Variants in HCN2 observed in about 807,000 individuals in gnomAD.
HCN2 encodes the protein potassium/sodium hyperpolarization-activated cyclic nucleotide-gated channel 2.
A neutral mutation model predicts 52.3 loss-of-function variants in HCN2; 20 were observed. That is an observed-to-expected ratio of 0.38 (90% CI 0.27 to 0.56). The LOEUF is 0.56. Ranked by LOEUF, HCN2 falls within the 20% of genes least tolerant of loss-of-function variation. HCN2 has a pLI of 0.71. For synonymous variants in HCN2, 694 were observed against 537.0 expected, an observed-to-expected ratio of 1.29 and a Z score of -4.04; for missense variants, 981 against 1,207.7, an observed-to-expected ratio of 0.81 and a Z score of 2.78.
intron 5 of HCN2, among the ~76,000 whole-genome samples, chr19:611,705 T>C (rs911593370): frequency 3.3e-5 from 5 of 152,282 alleles, no homozygotes; most frequent in Non-Finnish European, 7.4e-5. Context: ...CTGCACCCGA[T>C]ACCACAGCCT....
rs1982850316 is a variant in HCN2 at position 590,859 on chromosome 19, C to T, written c.632+282C>T. 4.3e-6 allele frequency: 1 copy of T among 231,366 alleles called. No individual in the cohort carries two copies. Among genetic ancestry groups the T allele is most frequent in the Admixed American group, 5.7e-5 (1 of 17,408 alleles). 14.3% of individuals were successfully genotyped at this position (231,366 alleles called of 1,614,324 possible). A position where few individuals can be genotyped will look rare whatever the true frequency, so the allele number is the denominator to read the frequency against. On this transcript the variant is annotated intron_variant, in intron 1 of 7. Coordinates refer to ENST00000251287, the MANE Select transcript of HCN2 (RefSeq NM_001194.4). This position sits in a 1 kb window ranked among gnomAD's most constrained non-coding sequence, Gnocchi z 7.2. ...CGGCGGGTGGGGTGGGCCGCAGGGCCAGGGTCTGAGCGCAGAGGGGCAGAG... is the reference window on the plus strand; with the variant it reads ...CGGCGGGTGGGGTGGGCCGCAGGGCTAGGGTCTGAGCGCAGAGGGGCAGAG...
In HCN2 at chr19:591,983, G is replaced by A. The variant is rs1357905779; in HGVS notation, c.632+1406G>A. 1.3e-5 allele frequency among the ~76,000 whole-genome samples: 2 copies of A among 152,298 alleles called. No individual in the cohort carries two copies. Among genetic ancestry groups the A allele is most frequent in the East Asian group, 1.9e-4 (1 of 5,178 alleles). ...AAGCCTGGATTTCGAGACAGGCCAG[G>A]GGTGGGAGGAGCCCCGAAATCCCCA... On this transcript the variant is annotated intron_variant, in intron 1 of 7. Transcript: ENST00000251287. This position sits in a 1 kb window ranked among gnomAD's most constrained non-coding sequence, Gnocchi z 4.1.
intron 7 of HCN2, among the ~76,000 whole-genome samples, chr19:615,138 A>G (rs1983838767): frequency 6.6e-6 from 1 of 152,116 alleles, no homozygotes; most frequent in Admixed American, 6.5e-5. Context: ...CAGTCATTAC[A>G]TAATCAGCGT....
intron 3 of HCN2, among the ~76,000 whole-genome samples, chr19:606,141 C>T (rs762501942): frequency 2.0e-5 from 3 of 152,072 alleles, no homozygotes; most frequent in Admixed American, 6.5e-5. Flanking sequence ...ACTCTGTCGC[C>T]CAGGCTGGAG....
intron 1 of HCN2, among the ~76,000 whole-genome samples, chr19:593,608 G>C (rs1186756678): frequency 6.6e-6 from 1 of 152,062 alleles, no homozygotes; most frequent in Non-Finnish European, 1.5e-5. Context: ...TGACAGAGTG[G>C]GACTTGGTCT....
At chr19:614,940 G>A (rs1166619022) in intron 7 of HCN2, among the ~76,000 whole-genome samples, 1 of 152,150 alleles carries the variant, frequency 6.6e-6, no homozygotes, top group Non-Finnish European at 1.5e-5. Context: ...CAGGACAGGT[G>A]CGACGGAGTG....
At chr19:604,426 C>T (rs529485439) in intron 2 of HCN2, among the ~76,000 whole-genome samples, 37 of 133,594 alleles carry the variant, frequency 2.8e-4, no homozygotes, top group African/African-American at 1.0e-3. Flanking sequence ...TGAGCAGGGT[C>T]GAGGCAGCAG....
intron 1 of HCN2, among the ~76,000 whole-genome samples, chr19:602,181 G>A (rs1326027417): frequency 1.0e-5 from 1 of 97,774 alleles, no homozygotes. Context: ...CTGCGTGGAC[G>A]CCCCACTCCC....
chr19:615,241 G>A (rs1983843725), intron 7 of HCN2, among the ~76,000 whole-genome samples: 1 of 152,018 alleles, frequency 6.6e-6, no homozygotes, highest in Non-Finnish European at 1.5e-5. Flanking sequence ...CAGGCGCGGT[G>A]GCTCACGCCT....
At position 607,975 on chromosome 19, in the gene HCN2, G is replaced by T. The variant is rs1325058219; in HGVS notation, c.1230G>T (p.Trp410Cys). 6.2e-7 allele frequency: 1 copy of T among 1,611,372 alleles called. No individual in the cohort carries two copies. Among genetic ancestry groups the T allele is most frequent in the Admixed American group, 1.7e-5 (1 of 59,982 alleles). Reference sequence around the variant, plus strand: ...TGCTGGCCTTGCAGAACCACTCGTGGAGTGAACTGTACTCCTTCGCACTCT... The same window carrying T: ...TGCTGGCCTTGCAGAACCACTCGTGTAGTGAACTGTACTCCTTCGCACTCT... ...VSINGMVNHS[W>C]SELYSFALFK... is the part of the protein sequence containing the mutation. Residue 410 changes from tryptophan to cysteine, a missense_variant, in exon 4 of 8, where the codon TGG becomes TGT. Trp to Cys is a radical substitution (Grantham distance 215, BLOSUM62 -2). Around this residue, in one of 6 missense-constraint regions of HCN2, gnomAD observed 282 missense variants for 553.8 expected, o/e 0.51. Coordinates refer to ENST00000251287, the MANE Select transcript of HCN2 (RefSeq NM_001194.4).
chr19:602,534 G>A (rs371751599), intron 1 of HCN2, among the ~76,000 whole-genome samples: 1 of 152,140 alleles, frequency 6.6e-6, no homozygotes, highest in African/African-American at 2.4e-5. Context: ...GGCATCTGGG[G>A]CCCTCACCTC....
In HCN2 at chr19:616,331, A is replaced by G; in HGVS notation, c.2527A>G (p.Ser843Gly). ...GPAASTRPAS[S>G]STPRLGPTPA... ...CGCGGCCTCCACACGCCCGGCCAGCAGCTCCACACCGCGCTTGGGGCCCAC... is the reference window on the plus strand; with the variant it reads ...CGCGGCCTCCACACGCCCGGCCAGCGGCTCCACACCGCGCTTGGGGCCCAC... Residue 843 changes from serine to glycine, a missense_variant, in exon 8 of 8, where the codon AGC becomes GGC. This residue lies in a region of HCN2 where 368 missense variants were observed against 314.8 expected (regional missense o/e 1.17). Transcript: ENST00000251287. 1.7e-6 allele frequency: 2 copies of G among 1,179,358 alleles called. No individual in the cohort carries two copies. Among genetic ancestry groups the G allele is most frequent in the South Asian group, 2.2e-5 (1 of 45,110 alleles). The allele number at this position is 1,179,358 out of a possible 1,614,324, so 73.1% of individuals were successfully genotyped here. A position where few individuals can be genotyped will look rare whatever the true frequency, so the allele number is the denominator to read the frequency against.
In HCN2 at chr19:613,596, T is replaced by TCC. The variant is rs1568368635; in HGVS notation, c.1825+108_1825+109insCC. The TCC allele has an allele frequency of 4.8e-4, 43 of 89,032 alleles. 1 individual carries two copies. Among genetic ancestry groups the TCC allele is most frequent in the African/African-American group, 2.7e-3 (19 of 7,102 alleles). 5.5% of individuals were successfully genotyped at this position (89,032 alleles called of 1,614,324 possible). ...CCGGGGCCGGGGATGGGGATGGGGA[T>TCC]GGGGATGGGGCCGGGGATGGGGATG... On this transcript the variant is annotated intron_variant, in intron 6 of 7. Coordinates refer to ENST00000251287, the MANE Select transcript of HCN2 (RefSeq NM_001194.4).
At chr19:610,573 C>G (rs1337961669) in intron 5 of HCN2, among the ~76,000 whole-genome samples, 168 bp downstream of exon 5, 1 of 152,120 alleles carries the variant, frequency 6.6e-6, no homozygotes, top group Non-Finnish European at 1.5e-5. Flanking sequence ...CCGTGAGCCT[C>G]TGCACCCCCA....
chr19:594,553 C>T (rs1311941297), intron 1 of HCN2, among the ~76,000 whole-genome samples: 1 of 152,182 alleles, frequency 6.6e-6, no homozygotes, highest in Non-Finnish European at 1.5e-5. Context: ...TGCTCCAAGA[C>T]CCCACCAGGA....
At chr19:597,647 G>A (rs1983072281) in intron 1 of HCN2, among the ~76,000 whole-genome samples, 1 of 149,182 alleles carries the variant, frequency 6.7e-6, no homozygotes, top group African/African-American at 2.5e-5. Context: ...TGGTTTCTAG[G>A]TCTCCTTGGC....
chr19:607,528 C>T (rs1374425967), intron 3 of HCN2, among the ~76,000 whole-genome samples: 2 of 152,248 alleles, frequency 1.3e-5, no homozygotes, highest in South Asian at 2.1e-4. Flanking sequence ...CAGAGCCCCG[C>T]GGCTCCCCTT....
Position 603,862 on chromosome 19 carries a change from C to T in HCN2, c.951C>T (p.Tyr317=), listed in dbSNP as rs144551809. Residue 317 remains tyrosine, a synonymous_variant, in exon 2 of 8, where the codon TAC becomes TAT. Transcript: ENST00000251287. The part of the protein sequence containing the change: ...IVEKGIDSEV[Y]KTARALRIVR... Reference sequence around the variant, plus strand: ...AGAAGGGCATTGACTCCGAGGTCTACAAGACGGCACGCGCCCTGCGCATCG... The same window carrying T: ...AGAAGGGCATTGACTCCGAGGTCTATAAGACGGCACGCGCCCTGCGCATCG... 5.0e-5 allele frequency: 80 copies of T among 1,612,480 alleles called. No individual in the cohort carries two copies. Among genetic ancestry groups the T allele is most frequent in the Non-Finnish European group, 6.8e-5 (80 of 1,179,870 alleles).
At chr19:598,405 C>T (rs537053741) in intron 1 of HCN2, among the ~76,000 whole-genome samples, 230 of 151,848 alleles carry the variant, frequency 1.5e-3, no homozygotes, top group Non-Finnish European at 2.5e-3. Flanking sequence ...TTCATGGGCT[C>T]GAGCAATCCT....
Sources: allele counts gnomAD v4.1 joint callset (sites outside exome capture counted in the v4.1 genomes callset), GRCh38; gene constraint gnomAD v4.1.1; regional missense constraint gnomAD v4.1.1; non-coding constraint Gnocchi (gnomAD v3.1); transcripts MANE v1.5; gene names NCBI Gene and HGNC (gene_info 2026-07-23, HGNC 2026-07-21).